Variants in FAM81A observed in about 807,000 individuals in gnomAD.
The protein encoded by FAM81A is family with sequence similarity 81 member A, also known as protein FAM81A.
Under a neutral mutation model 46.7 loss-of-function variants are expected in FAM81A, and 19 were observed. That is an observed-to-expected ratio of 0.41 (90% CI 0.28 to 0.60). The LOEUF (loss-of-function observed/expected upper bound fraction) is 0.60, where lower values mean the gene tolerates loss of function less well. Among genes scored for constraint, FAM81A ranks in the 20% least tolerant of loss-of-function variants. FAM81A has a pLI of 0.34. For synonymous variants in FAM81A, 183 were observed against 152.9 expected, an observed-to-expected ratio of 1.20 and a Z score of -1.45; for missense variants, 377 against 453.5, an observed-to-expected ratio of 0.83 and a Z score of 1.53.
chr15:59,435,752 T>C (rs1217948879), upstream of FAM81A, among the ~76,000 whole-genome samples: 1 of 152,240 alleles, frequency 6.6e-6, no homozygotes, highest in Non-Finnish European at 1.5e-5. Context: ...CTTTGATAAT[T>C]TTTTTGGTAA....
chr15:59,510,578 T>C (rs2082196000), intron 6 of FAM81A, among the ~76,000 whole-genome samples: 1 of 151,744 alleles, frequency 6.6e-6, no homozygotes, highest in South Asian at 2.1e-4. Context: ...GAGAGTCTGA[T>C]TGTCAGCCAG....
upstream of FAM81A, among the ~76,000 whole-genome samples, chr15:59,434,987 T>A (rs763534420): frequency 2.0e-5 from 3 of 152,182 alleles, no homozygotes; most frequent in Admixed American, 6.5e-5. Flanking sequence ...AGCCGTGGAA[T>A]AAATCACTTA....
intron 2 of FAM81A, among the ~76,000 whole-genome samples, chr15:59,427,189 C>A (rs1486295639): frequency 1.3e-5 from 2 of 152,192 alleles, no homozygotes; most frequent in Non-Finnish European, 2.9e-5. Context: ...CGGCTCACTG[C>A]AGCCTCCGCC....
chr15:59,404,552 C>A (rs147073840), intron 2 of FAM81A, among the ~76,000 whole-genome samples: 1 of 152,172 alleles, frequency 6.6e-6, no homozygotes, highest in East Asian at 1.9e-4. Context: ...CCTCCAACTC[C>A]TGGGCTCAAG....
chr15:59,472,830 C>T (rs1344625501), intron 3 of FAM81A, among the ~76,000 whole-genome samples: 1 of 152,126 alleles, frequency 6.6e-6, no homozygotes, highest in Non-Finnish European at 1.5e-5. Flanking sequence ...GCAATGACCT[C>T]AGAGGAACGT....
At chr15:59,502,084 A>C (rs1202983890) in intron 4 of FAM81A, among the ~76,000 whole-genome samples, 1 of 151,848 alleles carries the variant, frequency 6.6e-6, no homozygotes, top group East Asian at 1.9e-4. Context: ...CATTTACTGT[A>C]TTATTCTTTC....
chr15:59,458,331 A>G (rs2081508561), intron 1 of FAM81A, among the ~76,000 whole-genome samples: 1 of 152,208 alleles, frequency 6.6e-6, no homozygotes, highest in Admixed American at 6.5e-5. Flanking sequence ...AGGCTTAGCA[A>G]TATTAATTTC....
intron 5 of FAM81A, 132 bp downstream of exon 5, chr15:59,507,474 C>G (rs1473854329): frequency 5.0e-5 from 62 of 1,247,812 alleles, no homozygotes; most frequent in Non-Finnish European, 6.4e-5. Flanking sequence ...TCATAAGCAT[C>G]TTTTCTTTGA....
rs572478866 is a variant in FAM81A, at chr15:59,443,506, G to A, written c.-78+5224G>A. ...CCGTTTCCCAGTCATTCTGTCTCTC[G>A]TGAACCTTGACACGTTTGAAGGGTG... On this transcript the variant is annotated intron_variant, in intron 1 of 8. Coordinates refer to ENST00000288228, the MANE Select transcript of FAM81A (RefSeq NM_152450.3). Among the ~76,000 whole-genome samples, 9 of 152,210 alleles carry A rather than the reference G, an allele frequency of 5.9e-5. No homozygotes were observed. The East Asian group carries it at 1.3e-3, about 23-fold the overall frequency.
chr15:59,503,439 T>G (rs1341678444), intron 4 of FAM81A, among the ~76,000 whole-genome samples: 1 of 152,138 alleles, frequency 6.6e-6, no homozygotes, highest in African/African-American at 2.4e-5. Flanking sequence ...TACAAAGTAT[T>G]ATATATACTA....
intron 1 of FAM81A, among the ~76,000 whole-genome samples, chr15:59,457,846 G>A (rs1480813625): frequency 6.6e-6 from 1 of 152,130 alleles, no homozygotes; most frequent in Non-Finnish European, 1.5e-5. Context: ...TTATTTTAAG[G>A]CAATTGATAG....
In FAM81A at chr15:59,424,834, G is replaced by A. The variant is rs1256837762; in HGVS notation, c.-78+22476G>A. On this transcript the variant is annotated intron_variant, in intron 2 of 4. Coordinates refer to the FAM81A transcript ENST00000558348. ...ACTGTCATACCTCACTACTACAATAGCCTTAAAACTGGTTTCTCTACTTTC... is the reference window on the plus strand; with the variant it reads ...ACTGTCATACCTCACTACTACAATAACCTTAAAACTGGTTTCTCTACTTTC... Among the ~76,000 whole-genome samples, 3 of 152,166 alleles carry A rather than the reference G, an allele frequency of 2.0e-5. No individual in the cohort carries two copies. In the East Asian group the frequency reaches 5.8e-4, roughly 29 times the overall value.
chr15:59,407,807 G>A, intron 2 of FAM81A: 2 of 247,890 alleles, frequency 8.1e-6, no homozygotes, highest in Non-Finnish European at 7.6e-6. Flanking sequence ...GTCCAGGCCA[G>A]CAGCCTCTGC....
chr15:59,490,893 T>C (rs540641442), intron 3 of FAM81A, among the ~76,000 whole-genome samples: 38 of 152,286 alleles, frequency 2.5e-4, no homozygotes, highest in Admixed American at 1.3e-3. Flanking sequence ...AAATGGCTTT[T>C]ATCCAAAAGA....
intron 2 of FAM81A, among the ~76,000 whole-genome samples, chr15:59,429,704 T>C (rs1171975060): frequency 6.6e-6 from 1 of 152,212 alleles, no homozygotes; most frequent in Non-Finnish European, 1.5e-5. Flanking sequence ...AAAAAGAATG[T>C]TTTGACTTTT....
upstream of FAM81A, among the ~76,000 whole-genome samples, chr15:59,433,943 C>T (rs1165896467): frequency 6.6e-6 from 1 of 152,210 alleles, no homozygotes; most frequent in African/African-American, 2.4e-5. Context: ...ACACCCTCTG[C>T]CTCCCAGGTT....
intron 2 of FAM81A, among the ~76,000 whole-genome samples, chr15:59,421,826 G>T (rs1596464216): frequency 6.7e-6 from 1 of 149,440 alleles, no homozygotes; most frequent in South Asian, 2.1e-4. Flanking sequence ...AAGCATTGAG[G>T]TTTTAAAGCT....
In FAM81A at chr15:59,460,066, T is replaced by G. The variant is rs1408750186; in HGVS notation, c.154T>G (p.Phe52Val). ...CACCGCCGCCCTCGTAGAGCACGCC[T>G]TTCGGATTAAAGATGACATTGTCAA... is the stretch of plus-strand genomic sequence containing the variant. ...KTTAALVEHA[F>V]RIKDDIVNSL... is the part of the protein sequence containing the mutation. Residue 52 changes from phenylalanine to valine, a missense_variant, in exon 3 of 9, where the codon TTT becomes GTT. Coordinates refer to ENST00000288228, the MANE Select transcript of FAM81A (RefSeq NM_152450.3). The surrounding 1 kb of genome is among the most constrained non-coding windows in gnomAD (Gnocchi z 4.4). The G allele has an allele frequency of 6.2e-7, 1 of 1,613,920 alleles. No individual in the cohort carries two copies. The highest frequency in any genetic ancestry group is 2.2e-5 in the East Asian group (1 of 44,876).
intron 5 of FAM81A, among the ~76,000 whole-genome samples, chr15:59,507,853 C>T (rs1246883524): frequency 2.6e-5 from 4 of 152,182 alleles, no homozygotes; most frequent in Admixed American, 2.6e-4. Flanking sequence ...CAAAGCAAAA[C>T]TTTTGGCATT....
Sources: gnomAD v4.1 joint callset for allele counts (sites outside exome capture counted in the v4.1 genomes callset) on GRCh38, gnomAD v4.1.1 for gene constraint, Gnocchi (gnomAD v3.1) non-coding constraint, MANE v1.5 for transcripts, NCBI Gene and HGNC (gene_info 2026-07-23, HGNC 2026-07-21) for gene names.